The following IGF1R variants were observed in gnomAD, a reference collection of about 807,000 sequenced individuals.
IGF1R encodes the protein insulin like growth factor 1 receptor.
A neutral mutation model predicts 144.6 loss-of-function variants in IGF1R; 44 were observed. The ratio of observed to expected loss-of-function variants is 0.30; its 90% CI spans 0.24 to 0.39. The LOEUF is 0.39. IGF1R is among the 10% of genes least tolerant of loss of function. The pLI is 1.00. For synonymous variants in IGF1R, 795 were observed against 722.8 expected, an observed-to-expected ratio of 1.10 and a Z score of -1.60; for missense variants, 1,355 against 1,833.7, an observed-to-expected ratio of 0.74 and a Z score of 4.77.
At chr15:98,729,903 A>C (rs984080259) in intron 2 of IGF1R, among the ~76,000 whole-genome samples, 4 of 152,200 alleles carry the variant, frequency 2.6e-5, no homozygotes, top group African/African-American at 4.8e-5. Flanking sequence ...TGGAAAGCAC[A>C]GTTCTCACTT....
chr15:98,960,883 G>T lies in IGF1R; in HGVS notation c.*3441G>T, dbSNP rs896155282. On this transcript the variant is annotated 3_prime_UTR_variant, in exon 21 of 21. Transcript: ENST00000650285. ...TTCCGGCTGGAAAGCCCAGTGGCCG[G>T]CGCCGAGGCTCGTGGCGTCACGCCC... is the stretch of plus-strand genomic sequence containing the variant. 3.0e-5 allele frequency: 7 copies of T among 233,790 alleles called. No individual in the cohort carries two copies. Among genetic ancestry groups the T allele is most frequent in the African/African-American group, 1.5e-4 (7 of 45,312 alleles). 14.5% of individuals were successfully genotyped at this position (233,790 alleles called of 1,614,324 possible). A position where few individuals can be genotyped will look rare whatever the true frequency, so the allele number is the denominator to read the frequency against.
chr15:98,959,825 C>G lies in IGF1R; in HGVS notation c.*2383C>G. On this transcript the variant is annotated 3_prime_UTR_variant, in exon 21 of 21. Coordinates refer to ENST00000650285, the MANE Select transcript of IGF1R (RefSeq NM_000875.5). ...TCAGCAGTTTGTCCCACTGCTTTCT[C>G]TAGTCTCTATCCCATAGCGTGTTCC... 1 of 230,710 alleles carries G rather than the reference C, an allele frequency of 4.3e-6. No individual in the cohort carries two copies. Among genetic ancestry groups the G allele is most frequent in the Non-Finnish European group, 8.5e-6 (1 of 117,734 alleles). 14.3% of individuals were successfully genotyped at this position (230,710 alleles called of 1,614,324 possible). A position where few individuals can be genotyped will look rare whatever the true frequency, so the allele number is the denominator to read the frequency against.
intron 2 of IGF1R, among the ~76,000 whole-genome samples, chr15:98,710,687 G>T (rs1317791445): frequency 3.4e-5 from 5 of 147,008 alleles, no homozygotes; most frequent in Non-Finnish European, 6.0e-5. Context: ...TTTTTTTGAG[G>T]CGGAGTTTCG....
chr15:98,650,059 C>T (rs1412331394), intron 1 of IGF1R, among the ~76,000 whole-genome samples: 1 of 149,670 alleles, frequency 6.7e-6, no homozygotes, highest in Non-Finnish European at 1.5e-5. Context: ...AGCCTCTCCG[C>T]ACACAGCGCT....
intron 2 of IGF1R, among the ~76,000 whole-genome samples, chr15:98,777,303 G>C (rs59409881): frequency 0.02 from 3,060 of 152,300 alleles, 101 homozygotes; most frequent in African/African-American, 0.069. Flanking sequence ...ATGTGACCTG[G>C]AACTTGGTTA....
In IGF1R at chr15:98,916,868, C is replaced by T. The variant is rs1289742415; in HGVS notation, c.2193C>T (p.Phe731=). Residue 731 remains phenylalanine (F), a synonymous_variant, in exon 10 of 21, where the codon TTC becomes TTT. Transcript: ENST00000650285. ...VFENFLHNSI[F]VPRPERKRRD... ...AGAATTTCCTGCACAACTCCATCTTCGTGCCCAGGTACCCAGCTCATGTGA... is the reference window on the plus strand; with the variant it reads ...AGAATTTCCTGCACAACTCCATCTTTGTGCCCAGGTACCCAGCTCATGTGA... The T allele has an allele frequency of 3.7e-6, 6 of 1,613,974 alleles. No individual in the cohort carries two copies. Among genetic ancestry groups the T allele is most frequent in the Middle Eastern group, 1.6e-4 (1 of 6,062 alleles).
At chr15:98,668,065 C>T (rs1331306250) in intron 1 of IGF1R, among the ~76,000 whole-genome samples, 6 of 152,072 alleles carry the variant, frequency 3.9e-5, no homozygotes, top group African/African-American at 1.2e-4. Flanking sequence ...ATCAAGGTGC[C>T]GACCAAATTT....
intron 2 of IGF1R, among the ~76,000 whole-genome samples, chr15:98,729,372 A>G (rs1172462977): frequency 6.6e-6 from 1 of 152,236 alleles, no homozygotes; most frequent in Admixed American, 6.5e-5. Context: ...TTTCATGGAA[A>G]GGAACCGGAA....
intron 2 of IGF1R, among the ~76,000 whole-genome samples, chr15:98,836,162 G>T (rs991273941): frequency 6.6e-6 from 1 of 151,092 alleles, no homozygotes; most frequent in African/African-American, 2.5e-5. Context: ...CCCACTGGCC[G>T]GGGAGAAACT....
At chr15:98,822,553 AG>A (rs368484674) in intron 2 of IGF1R, among the ~76,000 whole-genome samples, 3 of 152,304 alleles carry the variant, frequency 2.0e-5, no homozygotes, top group African/African-American at 7.2e-5. Context: ...TAATATAGTG[AG>A]CCCCTCGGCT....
At chr15:98,841,139 TTTC>T (rs978172627) in intron 2 of IGF1R, among the ~76,000 whole-genome samples, 4 of 152,348 alleles carry the variant, frequency 2.6e-5, no homozygotes, top group Admixed American at 2.0e-4. Context: ...ACCTAGTGCA[TTTC>T]TTCTTCAGGG....
intron 2 of IGF1R, among the ~76,000 whole-genome samples, chr15:98,791,769 T>C (rs1210041876): frequency 6.6e-6 from 1 of 152,256 alleles, no homozygotes; most frequent in African/African-American, 2.4e-5. Flanking sequence ...TAATGCATAA[T>C]CATTCTTTGT....
In IGF1R at chr15:98,924,574, C is replaced by T. The variant is rs2015629329; in HGVS notation, c.2672C>T (p.Ala891Val). ...CAGGAATACAGGAAGTATGGAGGGG[C>T]CAAGCTAAACCGGCTAAACCCGGGG... ...SRQEYRKYGG[A>V]KLNRLNPGNY... The change falls in exon 13 of 21, where the codon GCC becomes GTC. Residue 891 changes from alanine (A) to valine (V), a missense_variant. By Grantham distance (64) the Ala-to-Val change is moderately conservative. Coordinates refer to ENST00000650285, the MANE Select transcript of IGF1R (RefSeq NM_000875.5). 2 of 1,613,910 alleles carry T rather than the reference C, an allele frequency of 1.2e-6. No homozygotes were observed. The highest frequency in any genetic ancestry group is 1.3e-5 in the African/African-American group (1 of 74,870).
intron 2 of IGF1R, among the ~76,000 whole-genome samples, chr15:98,831,872 A>T (rs890217041): frequency 4.6e-5 from 7 of 152,048 alleles, no homozygotes; most frequent in Admixed American, 4.6e-4. Context: ...GAGCTGGTGG[A>T]TGGCAGGGTG....
intron 15 of IGF1R, 24 bp from the exon 16 acceptor site, chr15:98,934,800 C>G (rs770090413): frequency 1.9e-6 from 3 of 1,600,262 alleles, no homozygotes; most frequent in Non-Finnish European, 2.6e-6. Context: ...TCTGTACCTG[C>G]TTTAATTACG....
At chr15:98,912,325 T>C (rs560087988) in intron 7 of IGF1R, among the ~76,000 whole-genome samples, 1 of 152,358 alleles carries the variant, frequency 6.6e-6, no homozygotes, top group African/African-American at 2.4e-5. Context: ...TTTCAGAGTT[T>C]GTACACAGGG....
intron 2 of IGF1R, among the ~76,000 whole-genome samples, chr15:98,791,587 G>T (rs1362435648): frequency 6.6e-6 from 1 of 152,150 alleles, no homozygotes; most frequent in Non-Finnish European, 1.5e-5. Context: ...AGTAGAAGGT[G>T]GGGAGAAGCT....
chr15:98,723,129 T>C (rs372695954), intron 2 of IGF1R, among the ~76,000 whole-genome samples: 1 of 151,950 alleles, frequency 6.6e-6, no homozygotes, highest in South Asian at 2.1e-4. Context: ...CGTCTCACGC[T>C]AGAATGAGTT....
chr15:98,718,602 C>T lies in IGF1R; in HGVS notation c.640+10495C>T, dbSNP rs939532354. ...TGGGGAGGAGGGCCCAGCTGCAGTG[C>T]GCATACATCTGCCCTTGGCAGCAGA... On this transcript the variant is annotated intron_variant, in intron 2 of 20. Coordinates refer to ENST00000650285, the MANE Select transcript of IGF1R (RefSeq NM_000875.5). 3.3e-5 allele frequency among the ~76,000 whole-genome samples: 5 copies of T among 152,320 alleles called. No individual in the cohort carries two copies. In the East Asian group the frequency reaches 5.8e-4, roughly 18 times the overall value.
Sources: allele counts gnomAD v4.1 joint callset (sites outside exome capture counted in the v4.1 genomes callset), GRCh38; gene constraint gnomAD v4.1.1; transcripts MANE v1.5; gene names NCBI Gene and HGNC (gene_info 2026-07-23, HGNC 2026-07-21).